The following BBS1 variants were observed in gnomAD, a reference collection of about 807,000 sequenced individuals.
The protein encoded by BBS1 is BBSome complex member BBS1.
Under a neutral mutation model 73.9 loss-of-function variants are expected in BBS1, and 60 were observed. That is an observed-to-expected ratio of 0.81 (90% confidence interval 0.66 to 1.01). The LOEUF is 1.01. Ranked by LOEUF, BBS1 falls within the 50% of genes least tolerant of loss-of-function variation. The pLI, the probability that BBS1 is intolerant of heterozygous loss-of-function variation, is 0.00. For synonymous variants in BBS1, 283 were observed against 317.4 expected, an observed-to-expected ratio of 0.89 and a Z score of 1.15; for missense variants, 718 against 770.3, an observed-to-expected ratio of 0.93 and a Z score of 0.80.
At chr11:66,512,959 G>C (rs1038118625) in intron 3 of BBS1, among the ~76,000 whole-genome samples, 2 of 151,148 alleles carry the variant, frequency 1.3e-5, no homozygotes, top group Non-Finnish European at 2.9e-5. Flanking sequence ...GTGACAGAGC[G>C]AGACTCCATC....
Position 66,532,468 on chromosome 11 carries a change from C to T in BBS1, c.*431C>T, listed in dbSNP as rs1332268042. 1.1e-5 allele frequency: 2 copies of T among 178,684 alleles called. No individual in the cohort carries two copies. The highest frequency in any genetic ancestry group is 5.4e-5 in the Admixed American group (1 of 18,502). The allele number at this position is 178,684 out of a possible 1,614,324, so 11.1% of individuals were successfully genotyped here. A position where few individuals can be genotyped will look rare whatever the true frequency, so the allele number is the denominator to read the frequency against. On this transcript the variant is annotated 3_prime_UTR_variant, in exon 17 of 17. Transcript: ENST00000318312. ...GTCCTGGCCAGGGAAATCAGAAGCT[C>T]TTCTTGGGTGAGATTGAGCCTCCTG...
At chr11:66,529,749 G>A in intron 13 of BBS1, 70 bp from the exon 14 acceptor site, 1 of 1,584,638 alleles carries the variant, frequency 6.3e-7, no homozygotes. Flanking sequence ...CTGAGCAGGA[G>A]TGCCCCGTTG....
rs7129215 is a variant in BBS1 at position 66,520,444 on chromosome 11, C to T, written c.723+696C>T. ...GGACTGCAGGCATGTACCACCACACCCAGCTAATTTTTGTATTTTTAGTAG... is the reference window on the plus strand; with the variant it reads ...GGACTGCAGGCATGTACCACCACACTCAGCTAATTTTTGTATTTTTAGTAG... On this transcript the variant is annotated intron_variant, in intron 8 of 16. Coordinates refer to ENST00000318312, the MANE Select transcript of BBS1 (RefSeq NM_024649.5). 4.8e-3 allele frequency: 740 copies of T among 153,200 alleles called. 6 individuals carry two copies. The highest frequency in any genetic ancestry group is 0.017 in the African/African-American group (696 of 41,496). The allele number at this position is 153,200 out of a possible 1,614,324, so 9.5% of individuals were successfully genotyped here. A position where few individuals can be genotyped will look rare whatever the true frequency, so the allele number is the denominator to read the frequency against.
rs755023569 is a variant in BBS1 at position 66,523,564 on chromosome 11, C to T, written c.939C>T (p.Gly313=). 3.1e-6 allele frequency: 5 copies of T among 1,614,158 alleles called. No homozygotes were observed. In the Admixed American group the frequency reaches 8.3e-5, roughly 27 times the overall value. Residue 313 remains glycine (G), a synonymous_variant, in exon 10 of 17, where the codon GGC becomes GGT. Transcript: ENST00000318312. ...GCAGCACCCAAGACAGCCTGCATGG[C>T]TTCACCCACAAGGTGCAGCCCCCAG... ...VVGSTQDSLH[G]FTHKGKKLWT...
Position 66,532,099 on chromosome 11 carries a change from G to A in BBS1, c.*62G>A. On this transcript the variant is annotated 3_prime_UTR_variant, in exon 17 of 17. Coordinates refer to ENST00000318312, the MANE Select transcript of BBS1 (RefSeq NM_024649.5). ...CAGGGAGAACTGGGCGGGTTTAGTG[G>A]CCCCAGGCCCACTCCTCATGCAGCA... is the stretch of plus-strand genomic sequence containing the variant. 1 of 1,508,128 alleles carries A rather than the reference G, an allele frequency of 6.6e-7. No homozygotes were observed. The highest frequency in any genetic ancestry group is 9.0e-7 in the Non-Finnish European group (1 of 1,112,096). The allele number at this position is 1,508,128 out of a possible 1,614,324, so 93.4% of individuals were successfully genotyped here. A position where few individuals can be genotyped will look rare whatever the true frequency, so the allele number is the denominator to read the frequency against.
intron 4 of BBS1, 52 bp from the exon 5 acceptor site, chr11:66,515,488 T>G: frequency 6.2e-7 from 1 of 1,601,388 alleles, no homozygotes; most frequent in Non-Finnish European, 8.6e-7. Context: ...GTGTAGACAT[T>G]GGGTTTCCTG....
intron 12 of BBS1, among the ~76,000 whole-genome samples, chr11:66,526,418 G>A (rs1444828157): frequency 6.6e-6 from 1 of 152,226 alleles, no homozygotes; most frequent in Non-Finnish European, 1.5e-5. Flanking sequence ...CCCAGTGCCT[G>A]CCACGATGCC....
intron 9 of BBS1, among the ~76,000 whole-genome samples, chr11:66,521,818 T>TCGC (rs1856234625): frequency 6.9e-6 from 1 of 143,974 alleles, no homozygotes; most frequent in African/African-American, 2.6e-5. Context: ...GGTAGGAGAA[T>TCGC]CGCTTGAACC....
Position 66,532,182 on chromosome 11 carries a change from C to A in BBS1, c.*145C>A. ...TTAAGCACCCGCTTCCTCACCACCC[C>A]CACTGTTGGGCCTATAGTAGCAGGT... On this transcript the variant is annotated 3_prime_UTR_variant, in exon 17 of 17. Transcript: ENST00000318312. The A allele has an allele frequency of 1.2e-6, 1 of 853,006 alleles. No homozygotes were observed. Among genetic ancestry groups the A allele is most frequent in the Non-Finnish European group, 1.8e-6 (1 of 552,902 alleles). The allele number at this position is 853,006 out of a possible 1,614,324, so 52.8% of individuals were successfully genotyped here.
Position 66,511,221 on chromosome 11 carries a change from T to TG in BBS1, c.145dup (p.Asp49GlyfsTer50). 6.2e-7 allele frequency: 1 copy of TG among 1,613,888 alleles called. No individual in the cohort carries two copies. Among genetic ancestry groups the TG allele is most frequent in the South Asian group, 1.1e-5 (1 of 91,070 alleles). On this transcript the variant is annotated frameshift_variant, in exon 3 of 17. Coordinates refer to ENST00000318312, the MANE Select transcript of BBS1 (RefSeq NM_024649.5). LOFTEE classifies it high-confidence loss of function. ...GTTTTCCAGCGCTGGCAGATTTACATGGGGATGGGGAATACAAGGTAAGCA... is the reference window on the plus strand; with the variant it reads ...GTTTTCCAGCGCTGGCAGATTTACATGGGGGATGGGGAATACAAGGTAAGCA...
intron 4 of BBS1, 64 bp downstream of exon 4, chr11:66,514,742 G>T: frequency 1.9e-6 from 3 of 1,586,942 alleles, no homozygotes; most frequent in African/African-American, 1.3e-5. Context: ...GGTGAAGAGG[G>T]CTGGGCTCCT....
chr11:66,515,801 GA>G, intron 6 of BBS1, 59 bp from the exon 7 acceptor site: 1 of 1,614,106 alleles, frequency 6.2e-7, no homozygotes, highest in Non-Finnish European at 8.5e-7. Context: ...GAATGTGCCA[GA>G]ATGATGGAGG....
intron 3 of BBS1, 109 bp downstream of exon 3, chr11:66,511,348 C>T: frequency 8.3e-6 from 11 of 1,331,606 alleles, no homozygotes; most frequent in Non-Finnish European, 1.1e-5. Context: ...TTCACATATA[C>T]TGTGAAAAAG....
chr11:66,528,676 T>C (rs1856621553), intron 13 of BBS1, among the ~76,000 whole-genome samples: 1 of 152,056 alleles, frequency 6.6e-6, no homozygotes, highest in Non-Finnish European at 1.5e-5. Context: ...AAAAGAAAAT[T>C]AGACCTTTTC....
In BBS1 at chr11:66,526,781, C is replaced by G. The variant is rs199711874; in HGVS notation, c.1313C>G (p.Thr438Arg). The G allele has an allele frequency of 2.4e-4, 389 of 1,614,128 alleles. No homozygotes were observed. Among genetic ancestry groups the G allele is most frequent in the Non-Finnish European group, 3.1e-4 (367 of 1,180,052 alleles). ...PRKTRLYVDQ[T>R]LREREAGTAM... ...AAGACCCGGCTTTACGTGGATCAGA[C>G]ACTGCGAGAGCGGGAGGCTGGCACC... Residue 438 changes from threonine to arginine, a missense_variant, in exon 13 of 17, where the codon ACA (threonine) becomes AGA (arginine). Transcript: ENST00000318312.
Position 66,515,940 on chromosome 11 carries a change from C to G in BBS1, c.591+7C>G, listed in dbSNP as rs1407448709. 12 of 1,613,788 alleles carry G rather than the reference C, an allele frequency of 7.4e-6. No individual in the cohort carries two copies. The highest frequency in any genetic ancestry group is 1.1e-5 in the South Asian group (1 of 91,074). On this transcript the variant is annotated splice_region_variant and intron_variant, in intron 7 of 16. Transcript: ENST00000318312. ...CAACTCCATCAAGCGGCAGGTAATA[C>G]CCCCTTCTCTTTTTATTTCCCTGTA...
At chr11:66,527,181 T>C (rs1480252374) in intron 13 of BBS1, 2 of 596,346 alleles carry the variant, frequency 3.4e-6, no homozygotes, top group African/African-American at 3.8e-5. Context: ...AAGACCTACC[T>C]GGGTAACATA....
intron 13 of BBS1, chr11:66,529,162 C>T: frequency 7.0e-7 from 1 of 1,425,664 alleles, no homozygotes; most frequent in East Asian, 2.5e-5. Flanking sequence ...GACCGAGGTG[C>T]CCAGTCTGGA....
intron 9 of BBS1, among the ~76,000 whole-genome samples, chr11:66,521,776 ATG>A (rs1220761021): frequency 1.3e-5 from 2 of 151,572 alleles, no homozygotes; most frequent in East Asian, 3.9e-4. Context: ...ATGGTGGCGC[ATG>A]CCTCTAGCCC....
Sources: gnomAD v4.1 joint callset for allele counts (sites outside exome capture counted in the v4.1 genomes callset) on GRCh38, gnomAD v4.1.1 for gene constraint, MANE v1.5 for transcripts, NCBI Gene and HGNC (gene_info 2026-07-23, HGNC 2026-07-21) for gene names.